DLGAP2: variants seen among roughly 807,000 people sequenced by gnomAD.
The protein encoded by DLGAP2 is disks large-associated protein 2.
DLGAP2 carries 26 observed loss-of-function variants against 100.3 expected under a neutral mutation model. The observed-to-expected ratio is 0.26, with a 90% CI of 0.19 to 0.36. DLGAP2 has a LOEUF of 0.36. Ranked by LOEUF, DLGAP2 falls within the 10% of genes least tolerant of loss-of-function variation. DLGAP2 has a pLI of 1.00. For missense variants in DLGAP2, 1,858 were observed against 1,453.2 expected, an observed-to-expected ratio of 1.28 and a Z score of -4.53; for synonymous variants, 886 against 630.1, an observed-to-expected ratio of 1.41 and a Z score of -6.08.
At chr8:758,860 C>G (rs1440326907) in intron 1 of DLGAP2, among the ~76,000 whole-genome samples, 1 of 152,076 alleles carries the variant, frequency 6.6e-6, no homozygotes, top group African/African-American at 2.4e-5. Context: ...CATGCCCGGC[C>G]AAGACTATTT....
intron 1 of DLGAP2, among the ~76,000 whole-genome samples, chr8:822,666 G>T (rs1430964781): frequency 6.6e-6 from 1 of 152,218 alleles, no homozygotes; most frequent in Non-Finnish European, 1.5e-5. Flanking sequence ...TCAAATAGCA[G>T]TCTGAACTGT....
chr8:1,557,016 C>T (rs532875373), intron 5 of DLGAP2, among the ~76,000 whole-genome samples: 9 of 151,550 alleles, frequency 5.9e-5, no homozygotes, highest in Admixed American at 2.6e-4. Context: ...ATGCACCCAG[C>T]GTTTCTCAAG....
At chr8:1,635,309 G>A (rs186088725) in intron 8 of DLGAP2, among the ~76,000 whole-genome samples, 12 of 152,270 alleles carry the variant, frequency 7.9e-5, no homozygotes, top group Non-Finnish European at 1.0e-4. Context: ...CAACATGTAC[G>A]GGATGTAGGT....
At chr8:1,463,956 A>G (rs982293922) in intron 3 of DLGAP2, among the ~76,000 whole-genome samples, 8 of 152,240 alleles carry the variant, frequency 5.3e-5, no homozygotes, top group Admixed American at 4.6e-4. Context: ...GGGAAGAGGA[A>G]AAATATCAGG....
chr8:750,738 G>A (rs1406350344), intron 1 of DLGAP2, among the ~76,000 whole-genome samples: 1 of 152,326 alleles, frequency 6.6e-6, no homozygotes, highest in Non-Finnish European at 1.5e-5. Flanking sequence ...ACGGCTCGCC[G>A]TCTGCAGTGT....
At chr8:833,165 G>T (rs548157136) in intron 1 of DLGAP2, among the ~76,000 whole-genome samples, 1 of 152,320 alleles carries the variant, frequency 6.6e-6, no homozygotes, top group South Asian at 2.1e-4. Flanking sequence ...GCCGATGTCT[G>T]AGAGCTCTGT....
chr8:1,020,713 A>G (rs1236288871), intron 2 of DLGAP2, among the ~76,000 whole-genome samples: 1 of 152,208 alleles, frequency 6.6e-6, no homozygotes, highest in Non-Finnish European at 1.5e-5. Flanking sequence ...GTCTTTGGTA[A>G]ACATTAAAGA....
chr8:1,688,728 A>G (rs1232221615), intron 12 of DLGAP2, among the ~76,000 whole-genome samples: 1 of 152,232 alleles, frequency 6.6e-6, no homozygotes, highest in Non-Finnish European at 1.5e-5. Flanking sequence ...TTTTAAGTCC[A>G]TTATCCTACC....
chr8:758,374 T>TA, intron 1 of DLGAP2, among the ~76,000 whole-genome samples: 2 of 152,258 alleles, frequency 1.3e-5, no homozygotes, highest in African/African-American at 4.8e-5. Flanking sequence ...AGGTTGTATT[T>TA]AAAAACTTAA....
rs368347690 is a variant in DLGAP2, at chr8:927,009, G to A, written c.73+19043G>A. 244 of 985,354 alleles carry A rather than the reference G, an allele frequency of 2.5e-4. No homozygotes were observed. The African/African-American group carries it at 3.6e-3, about 15-fold the overall frequency. The allele number at this position is 985,354 out of a possible 1,614,324, so 61.0% of individuals were successfully genotyped here. Reference sequence around the variant, plus strand: ...AGCCGGGGCCAGAGGACCCCCCGCCGAGAAAGAGAAAGAGCTCAGAGCCGG... The same window carrying A: ...AGCCGGGGCCAGAGGACCCCCCGCCAAGAAAGAGAAAGAGCTCAGAGCCGG... On this transcript the variant is annotated intron_variant, in intron 2 of 14. Coordinates refer to ENST00000637795, the MANE Select transcript of DLGAP2 (RefSeq NM_001346810.2).
chr8:1,179,652 G>A (rs1797338032), intron 2 of DLGAP2, among the ~76,000 whole-genome samples: 3 of 152,204 alleles, frequency 2.0e-5, no homozygotes, highest in South Asian at 2.1e-4. Context: ...TATGTGTATT[G>A]CAATCCTAAT....
At chr8:1,017,703 T>C (rs1801506650) in intron 2 of DLGAP2, among the ~76,000 whole-genome samples, 1 of 152,096 alleles carries the variant, frequency 6.6e-6, no homozygotes, top group South Asian at 2.1e-4. Flanking sequence ...GGGGTTTCCA[T>C]ACCCAGGGCT....
chr8:1,331,381 C>T (rs1242088753), intron 3 of DLGAP2, among the ~76,000 whole-genome samples: 2 of 151,954 alleles, frequency 1.3e-5, no homozygotes, highest in African/African-American at 4.8e-5. Flanking sequence ...AGGTCGCTGG[C>T]CTTTCCTACG....
At chr8:1,128,289 ATGAGGACCTGCTCCTGGTGTTGTGTTCGG>A (rs1796215307) in intron 2 of DLGAP2, among the ~76,000 whole-genome samples, 3 of 104,486 alleles carry the variant, frequency 2.9e-5, no homozygotes, top group Non-Finnish European at 4.0e-5. Context: ...GTTGTGTTCC[ATGAGGACCTGCTCCTGGTGTTGTGTTCGG>A]TGAGGACCTG....
chr8:1,466,322 G>A (rs1798624286), intron 3 of DLGAP2, among the ~76,000 whole-genome samples: 1 of 152,070 alleles, frequency 6.6e-6, no homozygotes, highest in Non-Finnish European at 1.5e-5. Context: ...GAGCAGTGAT[G>A]AGGCCCAGCC....
chr8:1,192,916 T>A (rs1797671252), intron 2 of DLGAP2, among the ~76,000 whole-genome samples: 1 of 151,500 alleles, frequency 6.6e-6, no homozygotes, highest in South Asian at 2.1e-4. Context: ...AGTGAGAACA[T>A]GCGGTGTTTG....
In DLGAP2 at chr8:1,283,412, G is replaced by A. The variant is rs930235386; in HGVS notation, c.106+24529G>A. On this transcript the variant is annotated intron_variant, in intron 3 of 14. Transcript: ENST00000637795. ...CATTCATAAAAGGCACGTGTCTTTG[G>A]GTATCATATGTTTGTTTTGATTTAT... Among the ~76,000 whole-genome samples, 3 of 152,162 alleles carry A rather than the reference G, an allele frequency of 2.0e-5. No individual in the cohort carries two copies. In the South Asian group the frequency reaches 6.2e-4, roughly 32 times the overall value.
chr8:1,176,405 G>A (rs1251774039), intron 2 of DLGAP2, among the ~76,000 whole-genome samples: 1 of 152,072 alleles, frequency 6.6e-6, no homozygotes, highest in Non-Finnish European at 1.5e-5. Flanking sequence ...GAGTTTCTGT[G>A]AGCTCCGTTA....
intron 6 of DLGAP2, among the ~76,000 whole-genome samples, chr8:1,602,544 T>G (rs1396929268): frequency 6.6e-6 from 1 of 152,226 alleles, no homozygotes; most frequent in Non-Finnish European, 1.5e-5. Flanking sequence ...CACCCCAGCA[T>G]CAGGCCTCAG....
Sources: allele counts gnomAD v4.1 joint callset (sites outside exome capture counted in the v4.1 genomes callset), GRCh38; gene constraint gnomAD v4.1.1; transcripts MANE v1.5; gene names NCBI Gene and HGNC (gene_info 2026-07-23, HGNC 2026-07-21).